RAB2A: variants seen among roughly 807,000 people sequenced by gnomAD.
RAB2A encodes the protein RAB2A, member RAS oncogene family, also known as ras-related protein Rab-2A.
RAB2A carries 7 observed loss-of-function variants against 32.5 expected under a neutral mutation model. The observed-to-expected ratio is 0.22, with a 90% CI of 0.12 to 0.40. RAB2A has a LOEUF of 0.40. Ranked by LOEUF, RAB2A falls within the 10% of genes least tolerant of loss-of-function variation. RAB2A has a pLI of 1.00. For synonymous variants in RAB2A, 79 were observed against 85.2 expected (o/e 0.93, Z 0.40); for missense variants, 108 against 260.7 (o/e 0.41, Z 4.03).
chr8:60,609,249 T>G (rs1157363334), intron 6 of RAB2A, among the ~76,000 whole-genome samples: 1 of 152,206 alleles, frequency 6.6e-6, no homozygotes, highest in African/African-American at 2.4e-5. Context: ...CCTTCCGACT[T>G]GATCCTCCAA....
At chr8:60,530,618 T>A (rs1276968456) in intron 1 of RAB2A, among the ~76,000 whole-genome samples, 1 of 152,194 alleles carries the variant, frequency 6.6e-6, no homozygotes, top group African/African-American at 2.4e-5. Flanking sequence ...AAAAGGCCTA[T>A]TTTTTAATGT....
chr8:60,608,434 T>C (rs1804273165), intron 6 of RAB2A, among the ~76,000 whole-genome samples: 1 of 150,564 alleles, frequency 6.6e-6, no homozygotes, highest in African/African-American at 2.4e-5. Context: ...CTTTTTCTCT[T>C]TCTCTCTCTC....
At chr8:60,568,743 A>G (rs1429235702) in intron 2 of RAB2A, among the ~76,000 whole-genome samples, 2 of 152,148 alleles carry the variant, frequency 1.3e-5, no homozygotes, top group Non-Finnish European at 2.9e-5. Flanking sequence ...AATAAGCATC[A>G]CTCCCCGACA....
chr8:60,592,938 T>C (rs1563480864), intron 6 of RAB2A, among the ~76,000 whole-genome samples: 1 of 152,166 alleles, frequency 6.6e-6, no homozygotes, highest in Non-Finnish European at 1.5e-5. Context: ...AAAAAACAAA[T>C]GAGTTAAGAA....
intron 6 of RAB2A, among the ~76,000 whole-genome samples, chr8:60,607,839 A>G (rs1804261656): frequency 6.6e-6 from 1 of 152,134 alleles, no homozygotes; most frequent in Non-Finnish European, 1.5e-5. Flanking sequence ...CAGAGATGTT[A>G]TTGCTTCAAA....
At chr8:60,613,598 TTTGA>T (rs916998824) in intron 6 of RAB2A, among the ~76,000 whole-genome samples, 1 of 152,172 alleles carries the variant, frequency 6.6e-6, no homozygotes, top group Non-Finnish European at 1.5e-5. Context: ...GGTACTGGGG[TTTGA>T]TCCTGGAGAG....
chr8:60,598,264 T>C (rs1328747042), intron 6 of RAB2A, among the ~76,000 whole-genome samples: 1 of 152,102 alleles, frequency 6.6e-6, no homozygotes, highest in African/African-American at 2.4e-5. Flanking sequence ...GTTTTAAAAC[T>C]CCCCAAAAAC....
intron 3 of RAB2A, among the ~76,000 whole-genome samples, chr8:60,575,096 T>C (rs1808251862): frequency 6.8e-6 from 1 of 147,382 alleles, no homozygotes; most frequent in Admixed American, 6.7e-5. Flanking sequence ...TTTGGGGGTT[T>C]TTTTTTTTTT....
intron 1 of RAB2A, among the ~76,000 whole-genome samples, chr8:60,532,393 C>G (rs1286519253): frequency 2.6e-5 from 4 of 152,098 alleles, no homozygotes; most frequent in Non-Finnish European, 2.9e-5. Flanking sequence ...TAAATTAAAG[C>G]AATAATAATG....
intron 1 of RAB2A, 93 bp downstream of exon 1, chr8:60,517,346 T>G: frequency 2.5e-6 from 3 of 1,189,518 alleles, no homozygotes; most frequent in Non-Finnish European, 3.3e-6. Context: ...GGACGCGGAC[T>G]CCACCCGGCG....
chr8:60,600,077 A>C (rs1804106003), intron 6 of RAB2A, among the ~76,000 whole-genome samples: 1 of 152,090 alleles, frequency 6.6e-6, no homozygotes, highest in Non-Finnish European at 1.5e-5. Flanking sequence ...AAAAAAAAAA[A>C]AAACAATGCA....
chr8:60,596,156 A>G (rs1804018734), intron 6 of RAB2A, among the ~76,000 whole-genome samples: 1 of 152,258 alleles, frequency 6.6e-6, no homozygotes, highest in African/African-American at 2.4e-5. Flanking sequence ...CTCAAGATGG[A>G]TTAGAGATTT....
At chr8:60,589,755 A>AT (rs1413376558) in intron 5 of RAB2A, among the ~76,000 whole-genome samples, 2 of 152,218 alleles carry the variant, frequency 1.3e-5, no homozygotes, top group African/African-American at 4.8e-5. Context: ...TGCACTAAGT[A>AT]TATCGTCAAG....
chr8:60,615,303 A>G (rs1323440249), intron 6 of RAB2A, among the ~76,000 whole-genome samples: 3 of 152,214 alleles, frequency 2.0e-5, no homozygotes, highest in Admixed American at 6.5e-5. Context: ...CAAAACTACA[A>G]TATGTTTAAC....
rs752904410 is a variant in RAB2A, at chr8:60,591,980, G to A, written c.474+11G>A. The A allele has an allele frequency of 4.0e-6, 6 of 1,493,780 alleles. No individual in the cohort carries two copies. The highest frequency in any genetic ancestry group is 5.5e-6 in the Non-Finnish European group (6 of 1,086,856). 92.5% of individuals were successfully genotyped at this position (1,493,780 alleles called of 1,614,324 possible). On this transcript the variant is annotated intron_variant, in intron 6 of 7. Transcript: ENST00000262646. ...TCCAATGTAGAAGAGGTAAATAAGA[G>A]GCCCTTTAAAATCTTCATCTTTATA...
At chr8:60,612,986 A>G (rs958075983) in intron 6 of RAB2A, among the ~76,000 whole-genome samples, 4 of 152,218 alleles carry the variant, frequency 2.6e-5, no homozygotes, top group Non-Finnish European at 1.5e-5. Flanking sequence ...GAAATCAGAT[A>G]GAATCACAGA....
intron 1 of RAB2A, among the ~76,000 whole-genome samples, chr8:60,551,398 G>C (rs181381950): frequency 8.5e-5 from 13 of 152,306 alleles, no homozygotes; most frequent in Admixed American, 2.0e-4. Context: ...TAGTAATAGT[G>C]TTTTACTATT....
chr8:60,579,829 G>T (rs1803710069), intron 3 of RAB2A, among the ~76,000 whole-genome samples: 1 of 151,768 alleles, frequency 6.6e-6, no homozygotes, highest in South Asian at 2.1e-4. Context: ...GGGTTTCACT[G>T]TGTTAGCCAG....
At chr8:60,552,911 G>A (rs1807877519) in intron 1 of RAB2A, 1 of 152,190 alleles carries the variant, frequency 6.6e-6, no homozygotes, top group Non-Finnish European at 1.5e-5. Context: ...ACTCTTGCAA[G>A]TGATTTCTGT....
Sources: gnomAD v4.1 joint callset for allele counts (sites outside exome capture counted in the v4.1 genomes callset) on GRCh38, gnomAD v4.1.1 for gene constraint, MANE v1.5 for transcripts, NCBI Gene and HGNC (gene_info 2026-07-23, HGNC 2026-07-21) for gene names.